The following CUX1 variants were observed in gnomAD, a reference collection of about 807,000 sequenced individuals.
CUX1 encodes the protein protein CASP.
CUX1 carries 31 observed loss-of-function variants against 158.8 expected under a neutral mutation model. The ratio of observed to expected loss-of-function variants is 0.20; its 90% CI spans 0.15 to 0.26. CUX1 has a LOEUF of 0.26. Ranked by LOEUF, CUX1 falls within the 10% of genes least tolerant of loss-of-function variation. CUX1 has a pLI of 1.00. For missense variants in CUX1, 1,589 were observed against 2,014.6 expected (o/e 0.79, Z 4.04); for synonymous variants, 879 against 862.1 (o/e 1.02, Z -0.34).
intron 4 of CUX1, among the ~76,000 whole-genome samples, chr7:102,089,818 G>T (rs533768063): frequency 6.6e-6 from 1 of 152,322 alleles, no homozygotes; most frequent in South Asian, 2.1e-4. Flanking sequence ...CTTGTGATGT[G>T]TGTCCTTCAA....
intron 19 of CUX1, chr7:102,280,213 C>G: frequency 1.3e-6 from 1 of 783,520 alleles, no homozygotes; most frequent in Non-Finnish European, 2.1e-6. Flanking sequence ...TCCCTGAGCA[C>G]TCGGCCTTCC....
At chr7:102,224,827 A>G (rs1554528095) in intron 20 of CUX1, among the ~76,000 whole-genome samples, 1 of 152,136 alleles carries the variant, frequency 6.6e-6, no homozygotes, top group Non-Finnish European at 1.5e-5. Flanking sequence ...CCGGCACCAC[A>G]CTCGGTTTAT....
At chr7:102,267,420 G>A (rs1790890134) in intron 14 of CUX1, among the ~76,000 whole-genome samples, 3 of 152,056 alleles carry the variant, frequency 2.0e-5, no homozygotes, top group Admixed American at 2.0e-4. Context: ...TGTAATCCCA[G>A]CTGCTTGAGA....
chr7:101,994,219 G>A (rs1263334349), intron 2 of CUX1, among the ~76,000 whole-genome samples: 2 of 152,136 alleles, frequency 1.3e-5, no homozygotes, highest in Non-Finnish European at 1.5e-5. Context: ...AGTTGCCACC[G>A]TTATTTCTCT....
chr7:101,956,042 T>C (rs1367335399), intron 2 of CUX1, among the ~76,000 whole-genome samples: 2 of 142,216 alleles, frequency 1.4e-5, no homozygotes, highest in South Asian at 2.2e-4. Context: ...ATTAGCCGGG[T>C]GAGGTGGCAC....
intron 14 of CUX1, 42 bp from the exon 15 acceptor site, chr7:102,196,592 T>C (rs1300624363): frequency 7.0e-7 from 1 of 1,419,036 alleles, no homozygotes; most frequent in Admixed American, 2.5e-5. Flanking sequence ...TTTTCCCCCT[T>C]TGGAATCCCC....
chr7:102,237,230 T>C (rs1554533198), intron 22 of CUX1, among the ~76,000 whole-genome samples: 1 of 152,138 alleles, frequency 6.6e-6, no homozygotes, highest in African/African-American at 2.4e-5. Context: ...GCCTAAGCTG[T>C]TTATTTTATT....
rs1182262592 is a variant in CUX1 at position 102,250,943 on chromosome 7, C to T, written c.*1901C>T. 6.2e-6 allele frequency: 6 copies of T among 973,838 alleles called. No homozygotes were observed. Among genetic ancestry groups the T allele is most frequent in the African/African-American group, 1.8e-5 (1 of 56,898 alleles). 60.3% of individuals were successfully genotyped at this position (973,838 alleles called of 1,614,324 possible). A position where few individuals can be genotyped will look rare whatever the true frequency, so the allele number is the denominator to read the frequency against. ...ACTTCTTTATTGCCATATCTTTAAA[C>T]TAACAATAGATGATTTCGGTATATA... On this transcript the variant is annotated 3_prime_UTR_variant, in exon 24 of 24. Coordinates refer to ENST00000292535, the MANE Select transcript of CUX1 (RefSeq NM_181552.4).
At chr7:102,113,756 G>T (rs1451015851) in intron 7 of CUX1, among the ~76,000 whole-genome samples, 1 of 151,948 alleles carries the variant, frequency 6.6e-6, no homozygotes, top group African/African-American at 2.4e-5. Flanking sequence ...TATGGACATG[G>T]AGTCTCACTG....
In CUX1 at chr7:102,201,683, C is replaced by T. The variant is rs1554519829; in HGVS notation, c.2386C>T (p.Pro796Ser). 1 of 1,612,770 alleles carries T rather than the reference C, an allele frequency of 6.2e-7. No individual in the cohort carries two copies. The highest frequency in any genetic ancestry group is 1.1e-5 in the South Asian group (1 of 91,084). ...GGCCCAGGACGCCCCCGGGCTGGAC[C>T]CCCAGGGAGCAGCCGATTGTGCACA... Reference protein sequence around the residue: ...KEAQDAPGLDPQGAADCAQGV... With the variant: ...KEAQDAPGLDSQGAADCAQGV... Residue 796 changes from proline (P) to serine (S), a missense_variant, in exon 18 of 24, where the codon CCC (proline) becomes TCC (serine). Physicochemically the swap from Pro to Ser is moderately conservative, Grantham distance 74 (BLOSUM62 -1). Around this residue, in one of 8 missense-constraint regions of CUX1, gnomAD observed 337 missense variants for 409.3 expected, o/e 0.82. Coordinates refer to ENST00000292535, the MANE Select transcript of CUX1 (RefSeq NM_181552.4). The surrounding 1 kb of genome is among the most constrained non-coding windows in gnomAD (Gnocchi z 5.0).
intron 2 of CUX1, among the ~76,000 whole-genome samples, chr7:101,958,197 A>G (rs944558261): frequency 6.6e-6 from 1 of 152,052 alleles, no homozygotes; most frequent in African/African-American, 2.4e-5. Flanking sequence ...AGAACCTCCA[A>G]CCCAAAGGTG....
intron 4 of CUX1, among the ~76,000 whole-genome samples, chr7:102,086,000 G>A (rs1242112341): frequency 2.6e-5 from 4 of 151,936 alleles, no homozygotes; most frequent in Non-Finnish European, 2.9e-5. Flanking sequence ...TTGGTAATTT[G>A]GAATTTTTAA....
chr7:101,961,964 G>A (rs373073637), intron 2 of CUX1: 4 of 151,930 alleles, frequency 2.6e-5, no homozygotes, highest in South Asian at 4.2e-4. Flanking sequence ...TATATATACA[G>A]TATTATTACA....
At chr7:102,076,001 C>T (rs1341077784) in intron 4 of CUX1, among the ~76,000 whole-genome samples, 4 of 152,220 alleles carry the variant, frequency 2.6e-5, no homozygotes, top group African/African-American at 9.6e-5. Flanking sequence ...CAGCTTATCC[C>T]CCACCATCCC....
chr7:102,101,264 C>T (rs1448174474), intron 5 of CUX1, among the ~76,000 whole-genome samples: 1 of 152,216 alleles, frequency 6.6e-6, no homozygotes, highest in Non-Finnish European at 1.5e-5. Flanking sequence ...CAGCCCCACC[C>T]ATCCCGCAAT....
chr7:102,195,833 G>A (rs1341112577), intron 14 of CUX1, among the ~76,000 whole-genome samples: 1 of 152,184 alleles, frequency 6.6e-6, no homozygotes, highest in Non-Finnish European at 1.5e-5. Context: ...CACAGGCTCT[G>A]CGGAGGTCAG....
At chr7:101,951,032 G>C (rs1808998819) in intron 2 of CUX1, among the ~76,000 whole-genome samples, 1 of 152,104 alleles carries the variant, frequency 6.6e-6, no homozygotes, top group Admixed American at 6.6e-5. Context: ...TAACTTCGCT[G>C]GTTAAAATCT....
At chr7:101,898,270 TA>T (rs943730382) in intron 1 of CUX1, among the ~76,000 whole-genome samples, 6 of 152,218 alleles carry the variant, frequency 3.9e-5, no homozygotes, top group African/African-American at 1.4e-4. Flanking sequence ...TTAAGAGCCT[TA>T]AACTAATAAA....
At chr7:101,874,911 C>G (rs1468884946) in intron 1 of CUX1, among the ~76,000 whole-genome samples, 3 of 152,214 alleles carry the variant, frequency 2.0e-5, no homozygotes, top group Non-Finnish European at 4.4e-5. Context: ...TGGGGGGCCG[C>G]CTGTCCCAGA....
Sources: gnomAD v4.1 joint callset for allele counts (sites outside exome capture counted in the v4.1 genomes callset) on GRCh38, gnomAD v4.1.1 for gene constraint, gnomAD v4.1.1 regional missense constraint, Gnocchi (gnomAD v3.1) non-coding constraint, MANE v1.5 for transcripts, NCBI Gene and HGNC (gene_info 2026-07-23, HGNC 2026-07-21) for gene names.